SPTBN1: variants seen among roughly 807,000 people sequenced by gnomAD.
SPTBN1 encodes the protein spectrin beta, non-erythrocytic 1.
A neutral mutation model predicts 266.4 loss-of-function variants in SPTBN1; 32 were observed. The observed-to-expected ratio is 0.12, with a 90% CI of 0.09 to 0.16. The LOEUF is 0.16. Among genes scored for constraint, SPTBN1 ranks in the 10% least tolerant of loss-of-function variants. The pLI is 1.00. For synonymous variants in SPTBN1, 1,336 were observed against 1,162.2 expected, an observed-to-expected ratio of 1.15 and a Z score of -3.04; for missense variants, 2,296 against 3,067.1, an observed-to-expected ratio of 0.75 and a Z score of 5.94.
intron 1 of SPTBN1, among the ~76,000 whole-genome samples, chr2:54,505,806 C>T (rs1669521440): frequency 6.6e-6 from 1 of 152,138 alleles, no homozygotes; most frequent in South Asian, 2.1e-4. Flanking sequence ...CAGTTTTTCT[C>T]TCTTCCAACC....
chr2:54,639,397 G>A (rs983645578), intron 18 of SPTBN1, among the ~76,000 whole-genome samples: 1 of 152,138 alleles, frequency 6.6e-6, no homozygotes, highest in South Asian at 2.1e-4. Flanking sequence ...TATTCCTGGG[G>A]GTAGGGGGTT....
At chr2:54,616,793 A>C (rs1419772505) in intron 5 of SPTBN1, among the ~76,000 whole-genome samples, 1 of 152,198 alleles carries the variant, frequency 6.6e-6, no homozygotes, top group Non-Finnish European at 1.5e-5. Context: ...GTTAGGACTC[A>C]ACTGATGCTA....
chr2:54,623,947 A>G (rs1284071655), intron 10 of SPTBN1, among the ~76,000 whole-genome samples: 1 of 152,240 alleles, frequency 6.6e-6, no homozygotes, highest in Non-Finnish European at 1.5e-5. Context: ...CATGTGTTTC[A>G]TAGTAGTTGT....
At chr2:54,660,430 CAG>C in intron 32 of SPTBN1, 2 of 1,081,932 alleles carry the variant, frequency 1.8e-6, no homozygotes, top group Non-Finnish European at 2.3e-6. Flanking sequence ...GTTATTCTAA[CAG>C]GGCACAGTAC....
chr2:54,602,120 T>C (rs1247847727), intron 3 of SPTBN1, among the ~76,000 whole-genome samples: 1 of 152,210 alleles, frequency 6.6e-6, no homozygotes, highest in African/African-American at 2.4e-5. Flanking sequence ...CAGGATTAGA[T>C]TGATTAGAAA....
intron 2 of SPTBN1, among the ~76,000 whole-genome samples, chr2:54,553,416 T>C (rs12105792): frequency 0.8 from 122,331 of 152,188 alleles, 49,713 homozygotes; most frequent in African/African-American, 0.94. Context: ...AAACCAGTGC[T>C]TAGTGCAGCA....
chr2:54,578,161 G>A (rs1271328070), intron 2 of SPTBN1, among the ~76,000 whole-genome samples: 3 of 152,148 alleles, frequency 2.0e-5, no homozygotes, highest in Non-Finnish European at 4.4e-5. Flanking sequence ...AACTGTACTG[G>A]CACTGAAGTA....
At position 54,529,706 on chromosome 2, in the gene SPTBN1, G is replaced by A. The variant is rs80304721; in HGVS notation, c.148+3140G>A. On this transcript the variant is annotated intron_variant, in intron 2 of 35. Coordinates refer to ENST00000356805, the MANE Select transcript of SPTBN1 (RefSeq NM_003128.3). ...TGTGAAGAAGCTCTGTGACATTGAT[G>A]GGGCCAAGGTCAACACCCTGATGGA... 158 of 716,048 alleles carry A rather than the reference G, an allele frequency of 2.2e-4. No homozygotes were observed. In the East Asian group the frequency reaches 4.1e-3, roughly 19 times the overall value. The allele number at this position is 716,048 out of a possible 1,614,324, so 44.4% of individuals were successfully genotyped here.
At position 54,652,852 on chromosome 2, in the gene SPTBN1, CTGTGTTGG is replaced by C. The variant is rs1238402281; in HGVS notation, c.5578-755_5578-748del. 7 of 151,488 alleles carry C rather than the reference CTGTGTTGG, an allele frequency of 4.6e-5. No individual in the cohort carries two copies. The East Asian group carries it at 1.4e-3, about 29-fold the overall frequency. 9.4% of individuals were successfully genotyped at this position (151,488 alleles called of 1,614,324 possible). On this transcript the variant is annotated intron_variant, in intron 26 of 35. Coordinates refer to ENST00000356805, the MANE Select transcript of SPTBN1 (RefSeq NM_003128.3). Reference sequence around the variant, plus strand: ...CTGAATGTTTTCTTCATGCCAGTTTCTGTGTTGGTTTGTTGGTTTTTTTCTTTTCTTTC... The same window carrying C: ...CTGAATGTTTTCTTCATGCCAGTTTCTTTGTTGGTTTTTTTCTTTTCTTTC...
At chr2:54,639,328 A>G (rs1283179944) in intron 18 of SPTBN1, among the ~76,000 whole-genome samples, 1 of 152,242 alleles carries the variant, frequency 6.6e-6, no homozygotes. Context: ...CCTTCCACAG[A>G]TTGGTAGTCC....
chr2:54,609,285 CTTGAA>C (rs1308121943), intron 3 of SPTBN1, among the ~76,000 whole-genome samples: 2 of 152,214 alleles, frequency 1.3e-5, no homozygotes, highest in Admixed American at 1.3e-4. Flanking sequence ...TCTGATAGCT[CTTGAA>C]TTTCTCCAAG....
At chr2:54,527,117 C>T (rs970759413) in intron 2 of SPTBN1, 4 of 152,286 alleles carry the variant, frequency 2.6e-5, no homozygotes, top group African/African-American at 9.7e-5. Context: ...TGCTGGTGAA[C>T]ACCTAGAGCA....
intron 1 of SPTBN1, among the ~76,000 whole-genome samples, chr2:54,469,432 A>G: frequency 6.6e-6 from 1 of 152,182 alleles, no homozygotes; most frequent in Non-Finnish European, 1.5e-5. Context: ...AGAGGGAAAA[A>G]TCTGAGCTGG....
chr2:54,481,393 T>TGA (rs1196224084), intron 1 of SPTBN1, among the ~76,000 whole-genome samples: 144 of 5,926 alleles, frequency 0.024, 2 homozygotes, highest in African/African-American at 0.15. Flanking sequence ...GAAACCTGAG[T>TGA]GTGTGTGTGT....
At chr2:54,623,680 A>G in intron 10 of SPTBN1, 84 bp downstream of exon 10, 1 of 1,087,646 alleles carries the variant, frequency 9.2e-7, no homozygotes, top group Non-Finnish European at 1.3e-6. Flanking sequence ...CTAAGAGGAC[A>G]AGAGACTGGA....
Position 54,664,466 on chromosome 2 carries a change from T to G in SPTBN1, c.6434T>G (p.Val2145Gly), listed in dbSNP as rs1217933047. The G allele has an allele frequency of 6.2e-7, 1 of 1,611,898 alleles. No homozygotes were observed. The highest frequency in any genetic ancestry group is 1.7e-5 in the Admixed American group (1 of 59,970). ...CGCTGTCCCTAGATGGCAGAAACGG[T>G]GGACACAAGCGAAATGGTCAACGGC... Reference protein sequence around the residue: ...EQGSPRMAETVDTSEMVNGAT... With the variant: ...EQGSPRMAETGDTSEMVNGAT... Residue 2145 changes from valine (V) to glycine (G), a missense_variant, in exon 33 of 36, where the codon GTG (valine) becomes GGG (glycine). Val to Gly is a moderately radical substitution (Grantham distance 109, BLOSUM62 -3). This residue lies in a region of SPTBN1 where 347 missense variants were observed against 368.5 expected (regional missense o/e 0.94). Transcript: ENST00000356805. This position sits in a 1 kb window ranked among gnomAD's most constrained non-coding sequence, Gnocchi z 5.6.
intron 3 of SPTBN1, among the ~76,000 whole-genome samples, chr2:54,611,136 C>T (rs377732569): frequency 1.4e-4 from 22 of 152,120 alleles, no homozygotes; most frequent in African/African-American, 4.6e-4. Flanking sequence ...ATATATTTTG[C>T]GGTAGTAAAT....
intron 3 of SPTBN1, among the ~76,000 whole-genome samples, chr2:54,610,997 T>TA (rs1466498567): frequency 6.6e-6 from 1 of 152,242 alleles, no homozygotes; most frequent in Non-Finnish European, 1.5e-5. Flanking sequence ...CAGTAGGAGT[T>TA]AGAGATGGCT....
chr2:54,466,766 C>A (rs952190456), intron 1 of SPTBN1, among the ~76,000 whole-genome samples: 1 of 152,120 alleles, frequency 6.6e-6, no homozygotes, highest in African/African-American at 2.4e-5. Flanking sequence ...CCTAACACTT[C>A]TGACCAAACC....
Sources: allele counts gnomAD v4.1 joint callset (sites outside exome capture counted in the v4.1 genomes callset), GRCh38; gene constraint gnomAD v4.1.1; regional missense constraint gnomAD v4.1.1; non-coding constraint Gnocchi (gnomAD v3.1); transcripts MANE v1.5; gene names NCBI Gene and HGNC (gene_info 2026-07-23, HGNC 2026-07-21).